The following CYP4F11 variants were observed in gnomAD, a reference collection of about 807,000 sequenced individuals.
CYP4F11 encodes the protein cytochrome P450 family 4 subfamily F member 11, also known as cytochrome P450 4F11.
A neutral mutation model predicts 62.2 loss-of-function variants in CYP4F11; 79 were observed. The ratio of observed to expected loss-of-function variants is 1.27; its 90% confidence interval spans 1.06 to 1.53. CYP4F11 has a LOEUF of 1.53. Among genes scored for constraint, CYP4F11 ranks in the 40% most tolerant of loss-of-function variants. The probability of loss-of-function intolerance (pLI) is 0.00; values close to 1 mark genes in which losing one functional copy is unlikely to be tolerated. For synonymous variants in CYP4F11, 290 were observed against 263.7 expected (o/e 1.10, Z -0.97); for missense variants, 777 against 680.5 (o/e 1.14, Z -1.58).
chr19:15,920,541 C>A (rs1599373361), intron 8 of CYP4F11, among the ~76,000 whole-genome samples: 1 of 152,188 alleles, frequency 6.6e-6, no homozygotes, highest in African/African-American at 2.4e-5. Flanking sequence ...AAATGTTTCT[C>A]CACCTTACAG....
rs770568173 is a variant in CYP4F11 at position 15,922,425 on chromosome 19, T to C, written c.924A>G (p.Glu308=). The part of the protein sequence containing the change: ...FIDVLLLSKD[E]DGKELSDEDI... ...CCTCATCAGACAATTCCTTCCCATCTTCATCCTGGAGAGAAGGCAAGACAA... is the reference window on the plus strand; with the variant it reads ...CCTCATCAGACAATTCCTTCCCATCCTCATCCTGGAGAGAAGGCAAGACAA... Residue 308 remains glutamate (E), a synonymous_variant, in exon 7 of 12, where the codon GAA becomes GAG. Transcript: ENST00000402119. 3 of 1,614,114 alleles carry C rather than the reference T, an allele frequency of 1.9e-6. No homozygotes were observed. The highest frequency in any genetic ancestry group is 1.7e-5 in the Admixed American group (1 of 60,012).
At chr19:15,922,586 C>T (rs543366718) in intron 6 of CYP4F11, among the ~76,000 whole-genome samples, 156 bp from the exon 7 acceptor site, 18 of 152,282 alleles carry the variant, frequency 1.2e-4, no homozygotes, top group African/African-American at 3.6e-4. Context: ...ACCATCAGAG[C>T]CCACCACCCA....
At position 15,927,332 on chromosome 19, in the gene CYP4F11, C is replaced by T. The variant is rs2089677927; in HGVS notation, c.405G>A (p.Gly135=). 1 of 1,614,114 alleles carries T rather than the reference C, an allele frequency of 6.2e-7. No individual in the cohort carries two copies. Among genetic ancestry groups the T allele is most frequent in the Non-Finnish European group, 8.5e-7 (1 of 1,179,978 alleles). The part of the protein sequence containing the change: ...YGFLKPWLGD[G]LLLSGGDKWS... Reference sequence around the variant, plus strand: ...ACTTGTCACCACCACTCAGCAGGAGCCCATCCCCTGGCAGGGCAACCAAGG... The same window carrying T: ...ACTTGTCACCACCACTCAGCAGGAGTCCATCCCCTGGCAGGGCAACCAAGG... The change falls in exon 4 of 12, where the codon GGG becomes GGA. Residue 135 remains glycine (G), a synonymous_variant. Transcript: ENST00000402119.
intron 1 of CYP4F11, among the ~76,000 whole-genome samples, chr19:15,931,437 C>T (rs1378524212): frequency 6.6e-6 from 1 of 151,782 alleles, no homozygotes; most frequent in East Asian, 1.9e-4. Flanking sequence ...CTCAGAGGTG[C>T]AGTAACACAG....
chr19:15,927,162 G>A (rs1275599250), intron 4 of CYP4F11, 50 bp downstream of exon 4: 3 of 1,594,632 alleles, frequency 1.9e-6, no homozygotes, highest in African/African-American at 1.3e-5. Context: ...TATGCCTGTG[G>A]TCCCTCTACC....
Position 15,934,249 on chromosome 19 carries a change from G to T in CYP4F11, c.160C>A (p.Pro54Thr), listed in dbSNP as rs767737472. The change falls in exon 1 of 12, where the codon CCC becomes ACC. Residue 54 changes from proline (P) to threonine (T), a missense_variant. Transcript: ENST00000402119. ...CCCCAAAACCAGTTCTGTTTCGGGG[G>T]TTGAGGAAAACACTGGAGGCGGCGG... ...NCRRLQCFPQPPKQNWFWGHQ... is the reference protein window; with the variant it reads ...NCRRLQCFPQTPKQNWFWGHQ... 1.2e-6 allele frequency: 2 copies of T among 1,613,808 alleles called. No homozygotes were observed. Among genetic ancestry groups the T allele is most frequent in the South Asian group, 1.1e-5 (1 of 91,074 alleles).
At chr19:15,925,545 A>G (rs2089662164) in intron 4 of CYP4F11, among the ~76,000 whole-genome samples, 1 of 151,904 alleles carries the variant, frequency 6.6e-6, no homozygotes, top group African/African-American at 2.4e-5. Flanking sequence ...AGGAAAGCAT[A>G]AGGACAAATA....
chr19:15,921,102 C>G (rs2089625693), intron 8 of CYP4F11, among the ~76,000 whole-genome samples: 1 of 67,976 alleles, frequency 1.5e-5, no homozygotes, highest in African/African-American at 4.4e-5. Flanking sequence ...CTCTCTCTCT[C>G]TCCCTCTCTC....
chr19:15,931,669 G>A (rs1364515598), intron 1 of CYP4F11, among the ~76,000 whole-genome samples: 43 of 57,196 alleles, frequency 7.5e-4, no homozygotes, highest in Middle Eastern at 9.3e-3. Flanking sequence ...AGCGAGGAGA[G>A]GAATGAGTGA....
At position 15,914,025 on chromosome 19, in the gene CYP4F11, G is replaced by C. The variant is rs910187896; in HGVS notation, c.1398-116C>G. 7 of 1,313,952 alleles carry C rather than the reference G, an allele frequency of 5.3e-6. No homozygotes were observed. In the East Asian group the frequency reaches 1.5e-4, roughly 28 times the overall value. The allele number at this position is 1,313,952 out of a possible 1,614,324, so 81.4% of individuals were successfully genotyped here. On this transcript the variant is annotated intron_variant, in intron 11 of 11. Transcript: ENST00000402119. Reference sequence around the variant, plus strand: ...CCCACATAGGCTTGAGGGGCAGAAAGAGGGGATAAGTGTCCACAGGACTCC... The same window carrying C: ...CCCACATAGGCTTGAGGGGCAGAAACAGGGGATAAGTGTCCACAGGACTCC...
In CYP4F11 at chr19:15,924,745, C is replaced by G; in HGVS notation, c.647+16G>C. The G allele has an allele frequency of 6.2e-7, 1 of 1,606,018 alleles. No homozygotes were observed. The highest frequency in any genetic ancestry group is 1.7e-5 in the Admixed American group (1 of 59,712). On this transcript the variant is annotated intron_variant, in intron 5 of 11. Coordinates refer to ENST00000402119, the MANE Select transcript of CYP4F11 (RefSeq NM_021187.4). ...GGTTCCAGGCCCAAGTTCTCAGGTC[C>G]TAGGAAAGGACTCACTCCTGACAAT... is the stretch of plus-strand genomic sequence containing the variant.
intron 4 of CYP4F11, among the ~76,000 whole-genome samples, chr19:15,925,729 T>TAC (rs61395286): frequency 0.15 from 20,724 of 142,110 alleles, 1,512 homozygotes; most frequent in South Asian, 0.27. Flanking sequence ...TACATATATG[T>TAC]ACACACACAC....
intron 2 of CYP4F11, chr19:15,928,184 A>G (rs2089684575): frequency 6.6e-6 from 1 of 152,254 alleles, no homozygotes; most frequent in Non-Finnish European, 1.5e-5. Flanking sequence ...TTTGAAGTAG[A>G]ATAAAAAGAC....
intron 8 of CYP4F11, among the ~76,000 whole-genome samples, chr19:15,921,252 T>G (rs1048432309): frequency 3.3e-5 from 5 of 152,204 alleles, no homozygotes; most frequent in Non-Finnish European, 7.3e-5. Context: ...ATTCATGTCT[T>G]TTAGAGAAAA....
At chr19:15,919,413 CGGAT>C (rs56657452) in intron 8 of CYP4F11, among the ~76,000 whole-genome samples, 5,033 of 144,544 alleles carry the variant, frequency 0.035, 281 homozygotes, top group African/African-American at 0.11. Context: ...GATGGATGGA[CGGAT>C]GGATGGATGG....
intron 1 of CYP4F11, 106 bp from the exon 2 acceptor site, chr19:15,929,707 A>T: frequency 1.6e-6 from 2 of 1,276,100 alleles, no homozygotes; most frequent in Non-Finnish European, 2.2e-6. Context: ...CAGATAAAAC[A>T]TGCTGGTAAA....
intron 8 of CYP4F11, 83 bp from the exon 9 acceptor site, chr19:15,914,978 T>G: frequency 6.4e-7 from 1 of 1,554,946 alleles, no homozygotes; most frequent in Non-Finnish European, 8.7e-7. Flanking sequence ...GCGAGACTTT[T>G]TCTCCCTATC....
intron 8 of CYP4F11, among the ~76,000 whole-genome samples, chr19:15,917,172 T>TA (rs1213357400): frequency 6.6e-6 from 1 of 152,052 alleles, no homozygotes; most frequent in African/African-American, 2.4e-5. Flanking sequence ...AACTCAAGAA[T>TA]AAAAAACCAA....
chr19:15,919,058 GT>G (rs1241858218), intron 8 of CYP4F11, among the ~76,000 whole-genome samples: 2 of 149,584 alleles, frequency 1.3e-5, no homozygotes, highest in African/African-American at 2.5e-5. Flanking sequence ...ATATTTCTAT[GT>G]ATATGGAAAT....
Sources: allele counts gnomAD v4.1 joint callset (sites outside exome capture counted in the v4.1 genomes callset), GRCh38; gene constraint gnomAD v4.1.1; transcripts MANE v1.5; gene names NCBI Gene and HGNC (gene_info 2026-07-23, HGNC 2026-07-21).